The following GOLGA1 variants were observed in gnomAD, a reference collection of about 807,000 sequenced individuals.
The protein encoded by GOLGA1 is golgin A1, also known as golgin subfamily A member 1.
A neutral mutation model predicts 119.7 loss-of-function variants in GOLGA1; 63 were observed. The ratio of observed to expected loss-of-function variants is 0.53; its 90% CI spans 0.43 to 0.65. GOLGA1 has a LOEUF of 0.65. Ranked by LOEUF, GOLGA1 falls within the 30% of genes least tolerant of loss-of-function variation. GOLGA1 has a pLI of 0.00. For missense variants in GOLGA1, 798 were observed against 912.8 expected, an observed-to-expected ratio of 0.87 and a Z score of 1.62; for synonymous variants, 318 against 333.4, an observed-to-expected ratio of 0.95 and a Z score of 0.50.
intron 11 of GOLGA1, among the ~76,000 whole-genome samples, chr9:124,909,608 C>CAAAAAA (rs58372596): frequency 5.7e-5 from 5 of 87,282 alleles, no homozygotes; most frequent in Admixed American, 1.3e-4. Context: ...GACTCCGTCT[C>CAAAAAA]AAAAAAAAAA....
Position 124,946,764 on chromosome 9 carries a change from T to C in GOLGA1, c.-156+1154A>G, listed in dbSNP as rs1388577483. The C allele has an allele frequency of 2.0e-5, 3 of 152,192 alleles. No individual in the cohort carries two copies. The highest frequency in any genetic ancestry group is 4.4e-5 in the Non-Finnish European group (3 of 68,028). The allele number at this position is 152,192 out of a possible 1,614,324, so 9.4% of individuals were successfully genotyped here. A position where few individuals can be genotyped will look rare whatever the true frequency, so the allele number is the denominator to read the frequency against. On this transcript the variant is annotated intron_variant, in intron 1 of 4. Coordinates refer to the GOLGA1 transcript ENST00000421514. The surrounding 1 kb of genome is among the most constrained non-coding windows in gnomAD (Gnocchi z 4.0). The stretch of plus-strand genomic sequence containing the variant: ...ATGCATCTAATATTAAAAACTCTAC[T>C]TCATGTGCGAATATATCATCAACTT...
chr9:124,913,264 T>C (rs1830374710), intron 10 of GOLGA1, among the ~76,000 whole-genome samples: 1 of 152,122 alleles, frequency 6.6e-6, no homozygotes, highest in African/African-American at 2.4e-5. Flanking sequence ...CAATTTGAGA[T>C]GAGACACGGA....
chr9:124,885,475 ACT>A (rs1829700097), intron 19 of GOLGA1, among the ~76,000 whole-genome samples: 2 of 136,734 alleles, frequency 1.5e-5, no homozygotes, highest in African/African-American at 2.8e-5. Context: ...ACAGGGGGAG[ACT>A]CTGTCTCAAA....
At position 124,931,709 on chromosome 9, in the gene GOLGA1, T is replaced by TA. The variant is rs1007668447; in HGVS notation, c.136-304dup. ...AATACAAAAACTATATTTGCCATGA[T>TA]AAAAAAATCACTTTATCTTTCCAAA... On this transcript the variant is annotated intron_variant, in intron 3 of 22. Transcript: ENST00000373555. Among the ~76,000 whole-genome samples, 43 of 152,254 alleles carry TA rather than the reference T, an allele frequency of 2.8e-4. 1 individual carries two copies. Among genetic ancestry groups the TA allele is most frequent in the African/African-American group, 9.4e-4 (39 of 41,564 alleles).
chr9:124,920,258 T>TACAGGTGC (rs1215329186), intron 10 of GOLGA1, among the ~76,000 whole-genome samples: 18 of 151,862 alleles, frequency 1.2e-4, no homozygotes. Flanking sequence ...CAGCTGGAAC[T>TACAGGTGC]ACAGGTGCAC....
intron 10 of GOLGA1, among the ~76,000 whole-genome samples, chr9:124,920,842 T>C (rs1261131415): frequency 2.4e-5 from 3 of 123,120 alleles, no homozygotes; most frequent in Non-Finnish European, 5.2e-5. Flanking sequence ...CAAGACTCTG[T>C]CCCAAAAAAA....
intron 15 of GOLGA1, among the ~76,000 whole-genome samples, chr9:124,894,307 C>G (rs1319712118): frequency 6.6e-6 from 1 of 152,130 alleles, no homozygotes; most frequent in Non-Finnish European, 1.5e-5. Flanking sequence ...TTTCTATCTG[C>G]ACTCATTGAT....
At position 124,898,464 on chromosome 9, in the gene GOLGA1, G is replaced by GT. The variant is rs71373000; in HGVS notation, c.1407+84dup. 5,855 of 793,652 alleles carry GT rather than the reference G, an allele frequency of 7.4e-3. 85 individuals carry two copies. Among genetic ancestry groups the GT allele is most frequent in the Admixed American group, 0.033 (1,626 of 48,880 alleles). The allele number at this position is 793,652 out of a possible 1,614,324, so 49.2% of individuals were successfully genotyped here. On this transcript the variant is annotated intron_variant, in intron 15 of 22. Coordinates refer to ENST00000373555, the MANE Select transcript of GOLGA1 (RefSeq NM_002077.4). The stretch of plus-strand genomic sequence containing the variant: ...ATGCTAATTCTCCTCCTCCTGTACT[G>GT]TAAGTATGAGAAGTGGGGCACTGTA...
chr9:124,919,098 TA>T (rs997341404), intron 10 of GOLGA1, among the ~76,000 whole-genome samples: 2 of 150,232 alleles, frequency 1.3e-5, no homozygotes, highest in Admixed American at 6.6e-5. Context: ...ATAATAATAA[TA>T]AAAAAAAATT....
At chr9:124,893,917 C>A (rs1408320352) in intron 15 of GOLGA1, among the ~76,000 whole-genome samples, 1 of 152,180 alleles carries the variant, frequency 6.6e-6, no homozygotes, top group Non-Finnish European at 1.5e-5. Context: ...TGGGAGTCCT[C>A]AGGTGAGCTG....
chr9:124,911,495 G>A (rs1830341248), intron 11 of GOLGA1, among the ~76,000 whole-genome samples: 1 of 152,220 alleles, frequency 6.6e-6, no homozygotes. Context: ...AGCCTCCCTT[G>A]GGAAGGAGAG....
At chr9:124,947,313 A>T (rs1831161204) in intron 1 of GOLGA1, 1 of 152,214 alleles carries the variant, frequency 6.6e-6, no homozygotes, top group Admixed American at 6.5e-5. Context: ...TCTCAGTTTC[A>T]CATACTTAGG....
At chr9:124,908,137 G>T (rs1370630994) in intron 12 of GOLGA1, among the ~76,000 whole-genome samples, 4 of 152,170 alleles carry the variant, frequency 2.6e-5, no homozygotes, top group Non-Finnish European at 2.9e-5. Flanking sequence ...AACCACAACG[G>T]AATGGTATCC....
At chr9:124,926,292 TG>T (rs1830671776) in intron 7 of GOLGA1, among the ~76,000 whole-genome samples, 1 of 152,240 alleles carries the variant, frequency 6.6e-6, no homozygotes, top group Admixed American at 6.5e-5. Context: ...GCTGTGACTT[TG>T]GCCATGGGAT....
intron 3 of GOLGA1, among the ~76,000 whole-genome samples, chr9:124,933,321 C>T (rs1441620960): frequency 6.6e-6 from 1 of 152,172 alleles, no homozygotes; most frequent in Admixed American, 6.5e-5. Flanking sequence ...GGAGGGTTCC[C>T]ATCATTCTGT....
intron 7 of GOLGA1, among the ~76,000 whole-genome samples, chr9:124,925,312 A>G (rs1830652663): frequency 6.6e-6 from 1 of 151,482 alleles, no homozygotes; most frequent in Non-Finnish European, 1.5e-5. Flanking sequence ...AACCCAACCC[A>G]TATCTCCATA....
chr9:124,935,706 C>T (rs1184581565), intron 3 of GOLGA1, among the ~76,000 whole-genome samples: 2 of 142,850 alleles, frequency 1.4e-5, no homozygotes, highest in Non-Finnish European at 3.0e-5. Context: ...CTGAGTGAGG[C>T]AGGAGAATTG....
chr9:124,908,702 A>G (rs1004787726), intron 11 of GOLGA1, among the ~76,000 whole-genome samples: 3 of 152,264 alleles, frequency 2.0e-5, no homozygotes, highest in African/African-American at 7.2e-5. Flanking sequence ...AAATTACACA[A>G]TAGAGTACAG....
chr9:124,907,519 A>G (rs1785242397), intron 12 of GOLGA1, among the ~76,000 whole-genome samples: 1 of 152,230 alleles, frequency 6.6e-6, no homozygotes, highest in South Asian at 2.1e-4. Context: ...CAAAGGATAC[A>G]TGGACAAAGT....
Sources: allele counts gnomAD v4.1 joint callset (sites outside exome capture counted in the v4.1 genomes callset), GRCh38; gene constraint gnomAD v4.1.1; non-coding constraint Gnocchi (gnomAD v3.1); transcripts MANE v1.5; gene names NCBI Gene and HGNC (gene_info 2026-07-23, HGNC 2026-07-21).